The following DDX60L variants were observed in gnomAD, a reference collection of about 807,000 sequenced individuals.
DDX60L encodes the protein DExD/H-box 60 like, also known as probable ATP-dependent RNA helicase DDX60-like.
A neutral mutation model predicts 211.6 loss-of-function variants in DDX60L; 191 were observed. The ratio of observed to expected loss-of-function variants is 0.90; its 90% CI spans 0.80 to 1.02. DDX60L has a LOEUF of 1.02. DDX60L is among the 50% of genes least tolerant of loss of function. The pLI is 0.00. For synonymous variants in DDX60L, 706 were observed against 694.1 expected, an observed-to-expected ratio of 1.02 and a Z score of -0.27; for missense variants, 2,007 against 1,984.1, an observed-to-expected ratio of 1.01 and a Z score of -0.22.
intron 27 of DDX60L, among the ~76,000 whole-genome samples, chr4:168,394,926 T>C (rs921008402): frequency 6.6e-6 from 1 of 152,212 alleles, no homozygotes; most frequent in African/African-American, 2.4e-5. Flanking sequence ...ACTTCTCTAC[T>C]GGAACCTTAG....
chr4:168,463,067 C>T (rs2150107937), intron 4 of DDX60L, among the ~76,000 whole-genome samples: 1 of 152,268 alleles, frequency 6.6e-6, no homozygotes, highest in Admixed American at 6.5e-5. Flanking sequence ...ATTAGTTTGA[C>T]CATTGTGGAA....
At chr4:168,394,684 T>A in intron 27 of DDX60L, 67 bp from the exon 28 acceptor site, 1 of 1,427,478 alleles carries the variant, frequency 7.0e-7, no homozygotes. Context: ...TCAATCAGAA[T>A]CAAAGGACAT....
At chr4:168,448,568 T>C in intron 9 of DDX60L, 70 bp downstream of exon 9, 1 of 1,201,270 alleles carries the variant, frequency 8.3e-7, no homozygotes, top group East Asian at 2.6e-5. Context: ...CTGTGGTATG[T>C]ACTGGAAAAT....
rs756497150 is a variant in DDX60L at position 168,441,458 on chromosome 4, C to T, written c.1173G>A (p.Arg391=). Reference sequence around the variant, plus strand: ...CAACATTCCACAGGTCTTCATAATCCCTCCTAATGGAATCTCCCAAATTCA... The same window carrying T: ...CAACATTCCACAGGTCTTCATAATCTCTCCTAATGGAATCTCCCAAATTCA... The part of the protein sequence containing the change: ...PHLNLGDSIR[R]DYEDLWNVVS... Residue 391 remains arginine, a synonymous_variant, in exon 10 of 38, where the codon AGG becomes AGA. Coordinates refer to ENST00000682922, the MANE Select transcript of DDX60L (RefSeq NM_001012967.3). 9.3e-6 allele frequency: 15 copies of T among 1,608,550 alleles called. 1 individual carries two copies. The highest frequency in any genetic ancestry group is 1.7e-4 in the Middle Eastern group (1 of 6,034).
chr4:168,404,464 G>A (rs1747390614), intron 24 of DDX60L, among the ~76,000 whole-genome samples: 1 of 151,938 alleles, frequency 6.6e-6, no homozygotes, highest in Admixed American at 6.6e-5. Flanking sequence ...TGCCAAATAT[G>A]TTAAGGAGTA....
intron 1 of DDX60L, among the ~76,000 whole-genome samples, chr4:168,477,154 G>A (rs1225745330): frequency 3.9e-5 from 6 of 152,114 alleles, no homozygotes; most frequent in Admixed American, 6.5e-5. Context: ...GGTGGCTCAC[G>A]TCTGTAATCC....
intron 22 of DDX60L, among the ~76,000 whole-genome samples, chr4:168,407,222 G>A (rs1405876180): frequency 2.0e-5 from 3 of 152,154 alleles, no homozygotes; most frequent in Non-Finnish European, 4.4e-5. Context: ...AAGTTTATAA[G>A]GGCAAAGACC....
intron 29 of DDX60L, among the ~76,000 whole-genome samples, chr4:168,388,710 A>G (rs1318878670): frequency 6.6e-6 from 1 of 152,208 alleles, no homozygotes; most frequent in Admixed American, 6.5e-5. Context: ...TAATCATTAT[A>G]CATACTCCTT....
intron 23 of DDX60L, 61 bp downstream of exon 23, chr4:168,406,541 C>T (rs776671310): frequency 5.0e-5 from 62 of 1,229,770 alleles, no homozygotes; most frequent in Non-Finnish European, 7.1e-5. Context: ...AGTAATTTTG[C>T]TATATTCTGG....
rs756333224 is a variant in DDX60L, at chr4:168,427,086, T to C, written c.1914A>G (p.Lys638=). The C allele has an allele frequency of 1.2e-6, 2 of 1,604,258 alleles. No homozygotes were observed. ...GLIACFKAWK[K]HCRGEGKISK... ...GTCCCATACCTTCACCTCGGCAATGTTTTTTCCATGCTTTAAAGCAGGCAA... is the reference window on the plus strand; with the variant it reads ...GTCCCATACCTTCACCTCGGCAATGCTTTTTCCATGCTTTAAAGCAGGCAA... The change falls in exon 14 of 38, where the codon AAA becomes AAG. Residue 638 remains lysine (K), a synonymous_variant. Transcript: ENST00000682922.
chr4:168,358,239 T>C lies in DDX60L; in HGVS notation c.5029A>G (p.Asn1677Asp). The C allele has an allele frequency of 1.9e-6, 3 of 1,601,096 alleles. No individual in the cohort carries two copies. Among genetic ancestry groups the C allele is most frequent in the Non-Finnish European group, 2.6e-6 (3 of 1,173,910 alleles). Residue 1677 changes from asparagine to aspartate, a missense_variant, in exon 38 of 38, where the codon AAT becomes GAT. Physicochemically the swap from Asn to Asp is conservative, Grantham distance 23. Coordinates refer to ENST00000682922, the MANE Select transcript of DDX60L (RefSeq NM_001012967.3). ...LSELCENKRD[N>D]VVLAFKQLSQ... ...AATTGTTTAAATGCCAGGACTACAT[T>C]GTCACGCTTATTTTCACATAGTTCA...
intron 28 of DDX60L, among the ~76,000 whole-genome samples, chr4:168,392,840 CAAAAAAAA>C (rs60915238): frequency 7.9e-6 from 1 of 126,620 alleles, no homozygotes; most frequent in African/African-American, 3.1e-5. Context: ...AACTCTGTCT[CAAAAAAAA>C]AAAAAAAAAA....
intron 1 of DDX60L, among the ~76,000 whole-genome samples, chr4:168,475,747 C>A (rs1035392391): frequency 1.3e-5 from 2 of 151,964 alleles, no homozygotes; most frequent in African/African-American, 2.4e-5. Context: ...AAGCCCTAAA[C>A]CCCAGTGTGA....
chr4:168,438,495 T>C (rs116254181), intron 10 of DDX60L, among the ~76,000 whole-genome samples: 174 of 152,362 alleles, frequency 1.1e-3, no homozygotes, highest in African/African-American at 4.1e-3. Flanking sequence ...GTCACCCATA[T>C]TAGCTAAGAA....
chr4:168,372,784 G>A (rs373759395), intron 35 of DDX60L, among the ~76,000 whole-genome samples: 10 of 151,900 alleles, frequency 6.6e-5, no homozygotes, highest in African/African-American at 2.4e-4. Flanking sequence ...GGGAAGGGAA[G>A]GGAAGATACA....
chr4:168,451,571 G>C (rs1158784954), intron 8 of DDX60L, among the ~76,000 whole-genome samples: 1 of 152,120 alleles, frequency 6.6e-6, no homozygotes, highest in East Asian at 1.9e-4. Flanking sequence ...AGCCATGTTA[G>C]CATCATCACC....
chr4:168,358,045 C>A lies in DDX60L; in HGVS notation c.*102G>T. On this transcript the variant is annotated 3_prime_UTR_variant, in exon 38 of 38. Transcript: ENST00000682922. ...TATCTGAGTTTAATTCTGTTTGACT[C>A]CAAGACAAACATTTTTTCCATTTCA... is the stretch of plus-strand genomic sequence containing the variant. 1 of 1,092,298 alleles carries A rather than the reference C, an allele frequency of 9.2e-7. No individual in the cohort carries two copies. Among genetic ancestry groups the A allele is most frequent in the South Asian group, 1.4e-5 (1 of 70,274 alleles). The allele number at this position is 1,092,298 out of a possible 1,614,324, so 67.7% of individuals were successfully genotyped here.
At chr4:168,429,526 T>A (rs1752014129) in intron 13 of DDX60L, among the ~76,000 whole-genome samples, 1 of 152,250 alleles carries the variant, frequency 6.6e-6, no homozygotes, top group South Asian at 2.1e-4. Flanking sequence ...AAGCTTGTTA[T>A]CAGATAAATC....
intron 4 of DDX60L, among the ~76,000 whole-genome samples, chr4:168,465,599 G>GT (rs1757891321): frequency 6.6e-6 from 1 of 151,850 alleles, no homozygotes; most frequent in African/African-American, 2.4e-5. Context: ...TTTCCCCTAT[G>GT]TTTTTTTCTA....
Sources: gnomAD v4.1 joint callset for allele counts (sites outside exome capture counted in the v4.1 genomes callset) on GRCh38, gnomAD v4.1.1 for gene constraint, MANE v1.5 for transcripts, NCBI Gene and HGNC (gene_info 2026-07-23, HGNC 2026-07-21) for gene names.